Variants in DOCK5 observed in about 807,000 individuals in gnomAD.
The protein encoded by DOCK5 is dedicator of cytokinesis 5, also known as dedicator of cytokinesis protein 5.
Under a neutral mutation model 251.8 loss-of-function variants are expected in DOCK5, and 142 were observed. The observed-to-expected ratio is 0.56, with a 90% CI of 0.49 to 0.65. DOCK5 has a LOEUF of 0.65. Ranked by LOEUF, DOCK5 falls within the 30% of genes least tolerant of loss-of-function variation. The pLI, the probability that DOCK5 is intolerant of heterozygous loss-of-function variation, is 0.00. For synonymous variants in DOCK5, 842 were observed against 835.5 expected, an observed-to-expected ratio of 1.01 and a Z score of -0.13; for missense variants, 2,111 against 2,312.3, an observed-to-expected ratio of 0.91 and a Z score of 1.79.
intron 1 of DOCK5, among the ~76,000 whole-genome samples, chr8:25,230,144 A>G (rs188226257): frequency 6.6e-6 from 1 of 152,294 alleles, no homozygotes; most frequent in East Asian, 1.9e-4. Context: ...CTCAGAGATT[A>G]TGTTTCTTTA....
At position 25,319,917 on chromosome 8, in the gene DOCK5, G is replaced by T. The variant is rs113980806; in HGVS notation, c.1542+241G>T. Among the ~76,000 whole-genome samples the T allele has an allele frequency of 2.8e-3, 422 of 152,326 alleles. 1 individual carries two copies. The highest frequency in any genetic ancestry group is 9.7e-3 in the African/African-American group (403 of 41,580). On this transcript the variant is annotated intron_variant, in intron 15 of 51. Coordinates refer to ENST00000276440, the MANE Select transcript of DOCK5 (RefSeq NM_024940.8). ...TGTGGTTGACGTGATGGATATAATA[G>T]ACTGCCAAGATGGTACAAAACCAAA...
In DOCK5 at chr8:25,395,632, C is replaced by T; in HGVS notation, c.4617C>T (p.Asp1539=). ...ACTGTGTTCAGCAGCATGCCTGGGACCGGTCCCTCTCTGTGCACCCTCTCT... is the reference window on the plus strand; with the variant it reads ...ACTGTGTTCAGCAGCATGCCTGGGATCGGTCCCTCTCTGTGCACCCTCTCT... The part of the protein sequence containing the change: ...ISNCVQQHAW[D]RSLSVHPLSM... The change falls in exon 45 of 52, where the codon GAC becomes GAT. Residue 1539 remains aspartate, a synonymous_variant. Coordinates refer to ENST00000276440, the MANE Select transcript of DOCK5 (RefSeq NM_024940.8). The T allele has an allele frequency of 6.2e-7, 1 of 1,613,510 alleles. No homozygotes were observed.
chr8:25,275,707 G>C (rs1391774761), intron 4 of DOCK5, among the ~76,000 whole-genome samples: 2 of 151,980 alleles, frequency 1.3e-5, no homozygotes, highest in Non-Finnish European at 1.5e-5. Flanking sequence ...TTGGTGGTGG[G>C]TGCCTGTAAT....
At chr8:25,215,771 A>C (rs567593071) in intron 1 of DOCK5, among the ~76,000 whole-genome samples, 1 of 152,190 alleles carries the variant, frequency 6.6e-6, no homozygotes, top group East Asian at 1.9e-4. Flanking sequence ...TGAATATATA[A>C]TAATTCCTAT....
At chr8:25,225,264 G>C (rs889107516) in intron 1 of DOCK5, among the ~76,000 whole-genome samples, 1 of 152,164 alleles carries the variant, frequency 6.6e-6, no homozygotes, top group Non-Finnish European at 1.5e-5. Context: ...CAAAAGAACT[G>C]AAAGCAGGGT....
intron 18 of DOCK5, 118 bp from the exon 19 acceptor site, chr8:25,332,133 C>T (rs1376967874): frequency 3.4e-6 from 2 of 596,156 alleles, no homozygotes; most frequent in Admixed American, 6.7e-5. Flanking sequence ...ATATATAAGG[C>T]ATCTTGAATT....
intron 16 of DOCK5, 105 bp downstream of exon 16, chr8:25,321,157 C>A: frequency 1.0e-6 from 1 of 952,780 alleles, no homozygotes; most frequent in Non-Finnish European, 1.6e-6. Context: ...AAACTAGAGA[C>A]TTGGCAGCTG....
At chr8:25,271,582 T>C (rs564985643) in intron 3 of DOCK5, among the ~76,000 whole-genome samples, 17 of 152,354 alleles carry the variant, frequency 1.1e-4, no homozygotes, top group African/African-American at 4.1e-4. Context: ...CCCAGCCATT[T>C]AGAGTGATGA....
chr8:25,238,637 A>G (rs780237819), intron 1 of DOCK5, among the ~76,000 whole-genome samples: 2 of 152,214 alleles, frequency 1.3e-5, no homozygotes, highest in Non-Finnish European at 2.9e-5. Context: ...CTCTCTTGTG[A>G]TAAACCAAAT....
At chr8:25,393,862 A>G (rs1801301307) in intron 44 of DOCK5, among the ~76,000 whole-genome samples, 1 of 152,268 alleles carries the variant, frequency 6.6e-6, no homozygotes, top group African/African-American at 2.4e-5. Context: ...TGTGGTGCAT[A>G]GCATGGCACT....
rs796810674 is a variant in DOCK5 at position 25,352,253 on chromosome 8, AAGGG to A, written c.2850+447_2850+450del. ...AAAAAAAAGCAGCAAGCAGGGAGGGAAGGGAGGGAGGGAGGGAGGGAGGAAGGAA... is the reference window on the plus strand; with the variant it reads ...AAAAAAAAGCAGCAAGCAGGGAGGGAAGGGAGGGAGGGAGGGAGGAAGGAA... On this transcript the variant is annotated intron_variant, in intron 27 of 51. Coordinates refer to ENST00000276440, the MANE Select transcript of DOCK5 (RefSeq NM_024940.8). Among the ~76,000 whole-genome samples the A allele has an allele frequency of 3.3e-3, 430 of 131,650 alleles. 1 individual carries two copies. The highest frequency in any genetic ancestry group is 0.01 in the African/African-American group (368 of 36,198). The allele number at this position is 131,650 out of a possible 152,430, so 86.4% of individuals were successfully genotyped here. A position where few individuals can be genotyped will look rare whatever the true frequency, so the allele number is the denominator to read the frequency against.
intron 13 of DOCK5, among the ~76,000 whole-genome samples, chr8:25,313,776 T>C (rs1456320199): frequency 1.3e-5 from 2 of 152,198 alleles, no homozygotes; most frequent in East Asian, 3.9e-4. Flanking sequence ...TGTGTCTTAA[T>C]CTCTTTGTAT....
intron 2 of DOCK5, among the ~76,000 whole-genome samples, chr8:25,251,650 AT>A (rs1389825516): frequency 1.3e-5 from 2 of 152,146 alleles, no homozygotes; most frequent in East Asian, 3.9e-4. Context: ...ATGGCAATGA[AT>A]TTTGTCTGCA....
intron 23 of DOCK5, 82 bp from the exon 24 acceptor site, chr8:25,341,657 C>A: frequency 1.7e-6 from 2 of 1,191,604 alleles, no homozygotes; most frequent in Non-Finnish European, 2.4e-6. Flanking sequence ...CCAAGCACAG[C>A]CTTTTCTTCC....
intron 21 of DOCK5, among the ~76,000 whole-genome samples, chr8:25,334,626 G>T (rs766701726): frequency 6.6e-6 from 1 of 151,778 alleles, no homozygotes; most frequent in South Asian, 2.1e-4. Context: ...TGAGAGGATT[G>T]CTTAAGCCCA....
At chr8:25,394,780 GTCA>G (rs1186836987) in intron 44 of DOCK5, among the ~76,000 whole-genome samples, 1 of 152,126 alleles carries the variant, frequency 6.6e-6, no homozygotes, top group Non-Finnish European at 1.5e-5. Flanking sequence ...CAATGTTTAA[GTCA>G]TCATTCTACT....
chr8:25,341,612 G>T, intron 23 of DOCK5, 127 bp from the exon 24 acceptor site: 1 of 757,022 alleles, frequency 1.3e-6, no homozygotes, highest in Non-Finnish European at 2.2e-6. Context: ...CCTTTTTATT[G>T]TAAGGGTATC....
intron 14 of DOCK5, 41 bp downstream of exon 14, chr8:25,317,172 G>A (rs762745500): frequency 1.6e-5 from 25 of 1,601,952 alleles, no homozygotes; most frequent in African/African-American, 1.5e-4. Flanking sequence ...CATCGCATCC[G>A]TCTTTACAAT....
intron 21 of DOCK5, 73 bp from the exon 22 acceptor site, chr8:25,336,166 C>G (rs1586339795): frequency 1.3e-6 from 2 of 1,516,854 alleles, no homozygotes; most frequent in South Asian, 2.4e-5. Context: ...ATGTTCCCCT[C>G]TTAGATAACT....
Sources: allele counts gnomAD v4.1 joint callset (sites outside exome capture counted in the v4.1 genomes callset), GRCh38; gene constraint gnomAD v4.1.1; transcripts MANE v1.5; gene names NCBI Gene and HGNC (gene_info 2026-07-23, HGNC 2026-07-21).